The following PPTC7 variants were observed in gnomAD, a reference collection of about 807,000 sequenced individuals.
PPTC7 encodes protein phosphatase PTC7 homolog.
PPTC7 carries 6 observed loss-of-function variants against 30.8 expected under a neutral mutation model. The ratio of observed to expected loss-of-function variants is 0.19; its 90% confidence interval spans 0.11 to 0.38. The LOEUF (loss-of-function observed/expected upper bound fraction) is 0.38, where lower values mean the gene tolerates loss of function less well. PPTC7 is among the 10% of genes least tolerant of loss of function. The pLI, the probability that PPTC7 is intolerant of heterozygous loss-of-function variation, is 1.00. For missense variants in PPTC7, 218 were observed against 404.8 expected, an observed-to-expected ratio of 0.54 and a Z score of 3.96; for synonymous variants, 163 against 168.1, an observed-to-expected ratio of 0.97 and a Z score of 0.23.
At position 110,551,798 on chromosome 12, in the gene PPTC7, G is replaced by A; in HGVS notation, c.394C>T (p.Pro132Ser). The A allele has an allele frequency of 6.2e-7, 1 of 1,613,376 alleles. No homozygotes were observed. Among genetic ancestry groups the A allele is most frequent in the East Asian group, 2.2e-5 (1 of 44,870 alleles). ...SYCELLQNKVPLLGSSTACIV... is the reference protein window; with the variant it reads ...SYCELLQNKVSLLGSSTACIV... ...TAAGATACCCACTTACCGAGCAAAG[G>A]GACTTTATTTTGCAGCAACTCACAG... is the stretch of plus-strand genomic sequence containing the variant. The change falls in exon 2 of 6, where the codon CCT becomes TCT. Residue 132 changes from proline (P) to serine (S), a missense_variant. Coordinates refer to ENST00000354300, the MANE Select transcript of PPTC7 (RefSeq NM_139283.2).
In PPTC7 at chr12:110,539,882, T is replaced by C; in HGVS notation, c.666A>G (p.Thr222=). 5 of 1,614,130 alleles carry C rather than the reference T, an allele frequency of 3.1e-6. No individual in the cohort carries two copies. The highest frequency in any genetic ancestry group is 4.2e-6 in the Non-Finnish European group (5 of 1,179,954). Residue 222 remains threonine (T), a synonymous_variant, in exon 4 of 6, where the codon ACA becomes ACG. Coordinates refer to ENST00000354300, the MANE Select transcript of PPTC7 (RefSeq NM_139283.2). ...VQLGDIILTA[T]DGLFDNMPDY... ...CAGGCATGTTGTCAAAGAGTCCATC[T>C]GTTGCCGTCAGGATAATGTCTCCTA...
At chr12:110,577,935 A>T (rs1364428119) in intron 1 of PPTC7, among the ~76,000 whole-genome samples, 1 of 152,218 alleles carries the variant, frequency 6.6e-6, no homozygotes, top group African/African-American at 2.4e-5. Flanking sequence ...ACCCAGGAAA[A>T]GCATTCGAAG....
chr12:110,567,551 TTC>T (rs2064495155), intron 1 of PPTC7, among the ~76,000 whole-genome samples: 2 of 152,152 alleles, frequency 1.3e-5, no homozygotes, highest in South Asian at 4.1e-4. Flanking sequence ...CCACTCCTCT[TTC>T]TCTTTTATCC....
In PPTC7 at chr12:110,545,897, T is replaced by G. The variant is rs1424622119; in HGVS notation, c.585A>C (p.Gly195=). The G allele has an allele frequency of 6.2e-7, 1 of 1,613,630 alleles. No individual in the cohort carries two copies. Among genetic ancestry groups the G allele is most frequent in the African/African-American group, 1.3e-5 (1 of 75,026 alleles). ...QLSIAPPEAE[G]VVLSDSPDAA... Reference sequence around the variant, plus strand: ...GAGATTACCTGTCGCTCAAGACGACTCCCTCGGCTTCAGGGGGAGCGATTG... The same window carrying G: ...GAGATTACCTGTCGCTCAAGACGACGCCCTCGGCTTCAGGGGGAGCGATTG... The change falls in exon 3 of 6, where the codon GGA becomes GGC. Residue 195 remains glycine (G), a synonymous_variant. Transcript: ENST00000354300.
At chr12:110,569,700 A>G (rs960179544) in intron 1 of PPTC7, among the ~76,000 whole-genome samples, 1 of 152,248 alleles carries the variant, frequency 6.6e-6, no homozygotes, top group Non-Finnish European at 1.5e-5. Context: ...TATACTTTGC[A>G]TTTCACATAC....
Position 110,583,062 on chromosome 12 carries a change from G to T in PPTC7, c.-31C>A. The T allele has an allele frequency of 7.3e-7, 1 of 1,363,782 alleles. No homozygotes were observed. Among genetic ancestry groups the T allele is most frequent in the Non-Finnish European group, 9.4e-7 (1 of 1,068,026 alleles). 84.5% of individuals were successfully genotyped at this position (1,363,782 alleles called of 1,614,324 possible). On this transcript the variant is annotated 5_prime_UTR_variant, in exon 1 of 6. Transcript: ENST00000354300. ...CCGCCGCCCCCCCGAGGAGGCGGGG[G>T]GCCGGGGGAGCAGGAGGACGCGGAG...
chr12:110,550,047 T>A (rs186113580), intron 2 of PPTC7, among the ~76,000 whole-genome samples: 184 of 152,146 alleles, frequency 1.2e-3, no homozygotes, highest in Non-Finnish European at 2.1e-3. Flanking sequence ...CAAAGCAGTA[T>A]ATATTGAAAC....
intron 1 of PPTC7, among the ~76,000 whole-genome samples, chr12:110,563,122 C>CAAAAAAAAAA (rs766517371): frequency 1.6e-4 from 7 of 43,102 alleles, no homozygotes; most frequent in African/African-American, 3.2e-4. Context: ...GACTCCATCT[C>CAAAAAAAAAA]AAAAAAAAAA....
chr12:110,563,518 G>C (rs1565924025), intron 1 of PPTC7, among the ~76,000 whole-genome samples: 1 of 152,052 alleles, frequency 6.6e-6, no homozygotes, highest in Non-Finnish European at 1.5e-5. Context: ...AGGAGACTGA[G>C]GCAGTAGAAT....
chr12:110,569,038 C>T (rs1414216777), intron 1 of PPTC7, among the ~76,000 whole-genome samples: 1 of 146,050 alleles, frequency 6.8e-6, no homozygotes, highest in Admixed American at 6.9e-5. Context: ...CCCCGCCCCC[C>T]CCCCTCAAAA....
chr12:110,540,706 T>C (rs991833287), intron 3 of PPTC7, among the ~76,000 whole-genome samples: 1 of 151,676 alleles, frequency 6.6e-6, no homozygotes, highest in African/African-American at 2.4e-5. Context: ...TTTCCTCGAA[T>C]ATTTGAATCT....
intron 1 of PPTC7, among the ~76,000 whole-genome samples, chr12:110,576,611 C>A (rs1386327958): frequency 6.6e-6 from 1 of 152,104 alleles, no homozygotes; most frequent in East Asian, 1.9e-4. Context: ...GGAAAACATG[C>A]TAAGGAAAAG....
rs773444344 is a variant in PPTC7, at chr12:110,542,933, A to G, written c.602+2947T>C. ...TATATTCAGAGATCATGGCCTCCTG[A>G]GGCTGGTTCTTGGCGACTTCTTAAG... On this transcript the variant is annotated intron_variant, in intron 3 of 5. Transcript: ENST00000354300. Among the ~76,000 whole-genome samples, 113 of 152,264 alleles carry G rather than the reference A, an allele frequency of 7.4e-4. 1 individual carries two copies. The Middle Eastern group carries it at 0.017, about 23-fold the overall frequency.
intron 1 of PPTC7, among the ~76,000 whole-genome samples, chr12:110,580,462 G>C (rs1223243758): frequency 6.6e-6 from 1 of 150,410 alleles, no homozygotes; most frequent in East Asian, 2.0e-4. Flanking sequence ...CCTCAGCCTC[G>C]CTAGTAGCTG....
intron 3 of PPTC7, 73 bp from the exon 4 acceptor site, chr12:110,540,018 C>T: frequency 7.3e-7 from 1 of 1,377,918 alleles, no homozygotes; most frequent in Admixed American, 2.2e-5. Context: ...CCTACAGGCA[C>T]TATTTTACAA....
intron 1 of PPTC7, among the ~76,000 whole-genome samples, chr12:110,567,944 C>T (rs1464268528): frequency 6.6e-6 from 1 of 152,132 alleles, no homozygotes; most frequent in Non-Finnish European, 1.5e-5. Flanking sequence ...GAATGTGCTG[C>T]CTCTTCAAAA....
chr12:110,569,871 G>A (rs938261335), intron 1 of PPTC7, among the ~76,000 whole-genome samples: 2 of 152,048 alleles, frequency 1.3e-5, no homozygotes, highest in African/African-American at 4.8e-5. Flanking sequence ...TTTCACTTTA[G>A]TTTTAAACAC....
intron 1 of PPTC7, among the ~76,000 whole-genome samples, chr12:110,563,122 CAAAAAA>C (rs766517371): frequency 1.4e-4 from 6 of 43,116 alleles, no homozygotes; most frequent in South Asian, 1.3e-3. Flanking sequence ...GACTCCATCT[CAAAAAA>C]AAAAAAAAAA....
chr12:110,539,980 A>C, intron 3 of PPTC7, 35 bp from the exon 4 acceptor site: 1 of 1,608,226 alleles, frequency 6.2e-7, no homozygotes, highest in Non-Finnish European at 8.5e-7. Flanking sequence ...AAAGTTAAGA[A>C]GGCCCTTTAC....
Sources: gnomAD v4.1 joint callset for allele counts (sites outside exome capture counted in the v4.1 genomes callset) on GRCh38, gnomAD v4.1.1 for gene constraint, MANE v1.5 for transcripts, NCBI Gene and HGNC (gene_info 2026-07-23, HGNC 2026-07-21) for gene names.